NEGR1: variants seen among roughly 807,000 people sequenced by gnomAD.
NEGR1 encodes the protein neuronal growth regulator 1.
In NEGR1, 10 loss-of-function variants were observed where a neutral mutation model predicts 40.9. That is an observed-to-expected ratio of 0.24 (90% CI 0.15 to 0.42). The LOEUF (loss-of-function observed/expected upper bound fraction) is 0.42, where lower values mean the gene tolerates loss of function less well. NEGR1 is among the 10% of genes least tolerant of loss of function. NEGR1 has a pLI of 1.00. For synonymous variants in NEGR1, 185 were observed against 166.8 expected, an observed-to-expected ratio of 1.11 and a Z score of -0.84; for missense variants, 352 against 438.9, an observed-to-expected ratio of 0.80 and a Z score of 1.77.
intron 3 of NEGR1, among the ~76,000 whole-genome samples, chr1:71,755,306 C>G (rs1035747311): frequency 7.9e-5 from 12 of 152,166 alleles, no homozygotes; most frequent in African/African-American, 2.9e-4. Flanking sequence ...GTCAACCTCT[C>G]AGCTACTACT....
chr1:72,092,237 T>C (rs1648528059), intron 1 of NEGR1, among the ~76,000 whole-genome samples: 1 of 152,102 alleles, frequency 6.6e-6, no homozygotes, highest in Non-Finnish European at 1.5e-5. Flanking sequence ...GCCTGAACCA[T>C]CTTTCTTAGG....
In NEGR1 at chr1:71,426,066, A is replaced by G. The variant is rs535595364; in HGVS notation, c.941-18496T>C. Among the ~76,000 whole-genome samples the G allele has an allele frequency of 4.6e-5, 7 of 152,340 alleles. No individual in the cohort carries two copies. In the East Asian group the frequency reaches 1.2e-3, roughly 25 times the overall value. ...TACCTACATACATATATGCATACAT[A>G]CACAGTGCAGAAGATAATGAGTAAT... On this transcript the variant is annotated intron_variant, in intron 6 of 6. Transcript: ENST00000357731.
chr1:71,441,552 T>C (rs559778319), intron 6 of NEGR1, among the ~76,000 whole-genome samples: 14 of 152,328 alleles, frequency 9.2e-5, no homozygotes, highest in South Asian at 8.3e-4. Flanking sequence ...TTCAGTCTTA[T>C]AGACAACAGT....
intron 1 of NEGR1, among the ~76,000 whole-genome samples, chr1:72,071,003 T>C (rs1387068555): frequency 6.6e-6 from 1 of 152,130 alleles, no homozygotes; most frequent in African/African-American, 2.4e-5. Context: ...ATTTCTTTTA[T>C]GTAGTCCCAT....
chr1:72,151,424 A>G (rs1182956258), intron 1 of NEGR1, among the ~76,000 whole-genome samples: 3 of 151,726 alleles, frequency 2.0e-5, no homozygotes, highest in Non-Finnish European at 3.0e-5. Context: ...TTTACACTCA[A>G]TAGGTTTTTG....
At chr1:72,182,626 G>T (rs894691744) in intron 1 of NEGR1, among the ~76,000 whole-genome samples, 2 of 151,902 alleles carry the variant, frequency 1.3e-5, no homozygotes, top group African/African-American at 4.8e-5. Flanking sequence ...AATAATAAGT[G>T]TACTACACAG....
intron 1 of NEGR1, among the ~76,000 whole-genome samples, chr1:72,123,911 G>C (rs974751407): frequency 6.6e-6 from 1 of 151,930 alleles, no homozygotes; most frequent in African/African-American, 2.4e-5. Flanking sequence ...TGTTGGCCTG[G>C]GGGATGATTC....
chr1:71,886,632 T>C (rs1660732642), intron 2 of NEGR1, among the ~76,000 whole-genome samples: 1 of 152,188 alleles, frequency 6.6e-6, no homozygotes, highest in African/African-American at 2.4e-5. Flanking sequence ...ATAGGTGGTA[T>C]GAGGCACACT....
At chr1:71,638,444 G>C (rs1290587624) in intron 4 of NEGR1, among the ~76,000 whole-genome samples, 1 of 152,036 alleles carries the variant, frequency 6.6e-6, no homozygotes, top group Non-Finnish European at 1.5e-5. Context: ...TAAAAATAAA[G>C]CATTTTGTGA....
At chr1:71,787,583 C>A (rs1656958261) in intron 2 of NEGR1, among the ~76,000 whole-genome samples, 2 of 152,028 alleles carry the variant, frequency 1.3e-5, no homozygotes, top group African/African-American at 4.8e-5. Flanking sequence ...AGCTTACAAT[C>A]TCCTCAAAAT....
intron 4 of NEGR1, among the ~76,000 whole-genome samples, chr1:71,641,764 A>G (rs1336274998): frequency 6.6e-6 from 1 of 152,044 alleles, no homozygotes; most frequent in Admixed American, 6.6e-5. Flanking sequence ...ATTCATTTCA[A>G]TGCTGAAAAG....
intron 6 of NEGR1, among the ~76,000 whole-genome samples, chr1:71,505,407 G>T (rs1000961610): frequency 2.0e-5 from 3 of 151,836 alleles, no homozygotes; most frequent in Non-Finnish European, 4.4e-5. Context: ...TCAGCCTCCC[G>T]AGTAGCTGGG....
At chr1:71,663,610 C>T (rs570957043) in intron 4 of NEGR1, among the ~76,000 whole-genome samples, 18 of 152,260 alleles carry the variant, frequency 1.2e-4, no homozygotes, top group Admixed American at 8.5e-4. Flanking sequence ...ATTCAGTTGT[C>T]GCTTTTTAAT....
intron 4 of NEGR1, among the ~76,000 whole-genome samples, chr1:71,656,593 T>G (rs935572205): frequency 6.6e-6 from 1 of 152,170 alleles, no homozygotes; most frequent in Non-Finnish European, 1.5e-5. Context: ...TTTGTATTTT[T>G]GGTAGAGACG....
intron 6 of NEGR1, chr1:71,573,585 TGTA>T (rs1370622102): frequency 2.6e-5 from 4 of 152,230 alleles, no homozygotes; most frequent in Non-Finnish European, 5.9e-5. Flanking sequence ...TGGCTTCTCT[TGTA>T]GTTCATTTTA....
At chr1:72,128,119 C>T (rs1357921418) in intron 1 of NEGR1, among the ~76,000 whole-genome samples, 2 of 151,942 alleles carry the variant, frequency 1.3e-5, no homozygotes, top group Non-Finnish European at 2.9e-5. Context: ...AATCATATTG[C>T]CTTTGATGAC....
intron 1 of NEGR1, among the ~76,000 whole-genome samples, chr1:72,155,268 T>A (rs987124724): frequency 3.3e-5 from 5 of 151,998 alleles, no homozygotes; most frequent in African/African-American, 1.2e-4. Context: ...ATGTTAGCAG[T>A]TAAAGGACAA....
chr1:71,455,488 A>C (rs1646665778), intron 6 of NEGR1, among the ~76,000 whole-genome samples: 1 of 152,168 alleles, frequency 6.6e-6, no homozygotes, highest in African/African-American at 2.4e-5. Context: ...GCACTTTGGG[A>C]GGATGAGGCA....
intron 1 of NEGR1, among the ~76,000 whole-genome samples, chr1:71,997,429 A>G (rs1371227154): frequency 6.6e-6 from 1 of 152,056 alleles, no homozygotes. Flanking sequence ...GTCCAAGTAC[A>G]AATGTTATTT....
Sources: allele counts gnomAD v4.1 joint callset (sites outside exome capture counted in the v4.1 genomes callset), GRCh38; gene constraint gnomAD v4.1.1; transcripts MANE v1.5; gene names NCBI Gene and HGNC (gene_info 2026-07-23, HGNC 2026-07-21).